The following COMMD1 variants were observed in gnomAD, a reference collection of about 807,000 sequenced individuals.
COMMD1 encodes the protein copper metabolism domain containing 1.
In COMMD1, 10 loss-of-function variants were observed where a neutral mutation model predicts 17.2. The ratio of observed to expected loss-of-function variants is 0.58; its 90% CI spans 0.36 to 0.99. The LOEUF (loss-of-function observed/expected upper bound fraction) is 0.99. Among genes scored for constraint, COMMD1 ranks in the 50% least tolerant of loss-of-function variants. The pLI is 0.01. For synonymous variants in COMMD1, 97 were observed against 91.6 expected (o/e 1.06, Z -0.34); for missense variants, 270 against 231.8 (o/e 1.17, Z -1.07).
chr2:62,028,551 C>T (rs546407832), intron 2 of COMMD1, among the ~76,000 whole-genome samples: 130 of 151,566 alleles, frequency 8.6e-4, no homozygotes, highest in Non-Finnish European at 1.4e-3. Context: ...CCAGCCTAGG[C>T]GACAGAGTGA....
intron 1 of COMMD1, among the ~76,000 whole-genome samples, chr2:61,915,004 T>C (rs1370563499): frequency 4.3e-5 from 3 of 69,516 alleles, no homozygotes; most frequent in African/African-American, 2.1e-4. Flanking sequence ...TTCTTTTCTT[T>C]CCTTTTTTTT....
intron 2 of COMMD1, among the ~76,000 whole-genome samples, chr2:62,116,603 C>T (rs1035653120): frequency 1.2e-4 from 16 of 131,932 alleles, no homozygotes; most frequent in African/African-American, 3.7e-4. Flanking sequence ...ACCCAGGAGG[C>T]GGAGGTTGCA....
chr2:62,041,299 AACT>A (rs375858943), intron 2 of COMMD1, among the ~76,000 whole-genome samples: 5 of 152,320 alleles, frequency 3.3e-5, no homozygotes, highest in African/African-American at 9.6e-5. Context: ...TAATAATGAA[AACT>A]ACTTGTGGTT....
intron 1 of COMMD1, chr2:61,928,498 G>A (rs1670383504): frequency 1.3e-5 from 2 of 152,132 alleles, no homozygotes; most frequent in Admixed American, 6.6e-5. Flanking sequence ...GTATCCTAAA[G>A]AGCTAAGCGT....
At chr2:61,924,354 T>C (rs1297757718) in intron 1 of COMMD1, among the ~76,000 whole-genome samples, 1 of 108,802 alleles carries the variant, frequency 9.2e-6, no homozygotes, top group African/African-American at 3.6e-5. Context: ...TAAGGGGTGG[T>C]GGTAGGGAGG....
At chr2:61,970,356 C>T (rs1222672263) in intron 1 of COMMD1, among the ~76,000 whole-genome samples, 2 of 151,850 alleles carry the variant, frequency 1.3e-5, no homozygotes. Flanking sequence ...TACAGTTGTC[C>T]CTTGGTGTCC....
intron 1 of COMMD1, among the ~76,000 whole-genome samples, chr2:61,927,318 T>C (rs1670352209): frequency 6.6e-6 from 1 of 152,200 alleles, no homozygotes; most frequent in African/African-American, 2.4e-5. Context: ...TCTGTCCTCA[T>C]TCTTTGGAAG....
intron 2 of COMMD1, among the ~76,000 whole-genome samples, chr2:62,011,736 G>C (rs1253185444): frequency 1.3e-5 from 2 of 152,140 alleles, no homozygotes; most frequent in Non-Finnish European, 2.9e-5. Context: ...AATTTTATCA[G>C]AGATGGAAGA....
intron 1 of COMMD1, among the ~76,000 whole-genome samples, chr2:61,895,390 G>A (rs1169739004): frequency 2.0e-5 from 3 of 152,192 alleles, no homozygotes; most frequent in African/African-American, 7.2e-5. Context: ...CGTTGATCGA[G>A]GTTGCAGCTC....
At chr2:61,907,476 T>C (rs1450521163) in intron 1 of COMMD1, among the ~76,000 whole-genome samples, 1 of 152,160 alleles carries the variant, frequency 6.6e-6, no homozygotes, top group African/African-American at 2.4e-5. Context: ...ATTTGACATC[T>C]GGGTTTTTGA....
rs1231303688 is a variant in COMMD1, at chr2:62,105,977, T to C, written c.463-29854T>C. Among the ~76,000 whole-genome samples, 4 of 152,204 alleles carry C rather than the reference T, an allele frequency of 2.6e-5. No homozygotes were observed. In the East Asian group the frequency reaches 7.7e-4, roughly 29 times the overall value. On this transcript the variant is annotated intron_variant, in intron 2 of 2. Coordinates refer to ENST00000311832, the MANE Select transcript of COMMD1 (RefSeq NM_152516.4). ...TCAGGGATTATATTTAAAAGACCTG[T>C]GAAATCCTTTAGAGAATGAACTTTT...
intron 1 of COMMD1, among the ~76,000 whole-genome samples, chr2:61,951,639 G>T: frequency 6.6e-6 from 1 of 152,180 alleles, no homozygotes; most frequent in South Asian, 2.1e-4. Context: ...GTATAATGGG[G>T]ATATAGTAAA....
chr2:61,964,801 A>G (rs1162430005), intron 1 of COMMD1, among the ~76,000 whole-genome samples: 5 of 152,262 alleles, frequency 3.3e-5, no homozygotes, highest in African/African-American at 1.2e-4. Flanking sequence ...TGAACCTGGG[A>G]GGTGAAGGTT....
intron 1 of COMMD1, among the ~76,000 whole-genome samples, chr2:61,891,621 G>T (rs558515340): frequency 1.3e-5 from 2 of 151,534 alleles, no homozygotes; most frequent in Non-Finnish European, 2.9e-5. Context: ...CCAGCTGTTC[G>T]GGAGGCTGAG....
chr2:62,008,935 C>T (rs1338115430), intron 2 of COMMD1, among the ~76,000 whole-genome samples: 1 of 152,016 alleles, frequency 6.6e-6, no homozygotes, highest in Non-Finnish European at 1.5e-5. Context: ...AGGCATGCAC[C>T]ACCACTCCTG....
intron 1 of COMMD1, among the ~76,000 whole-genome samples, chr2:61,939,024 C>G (rs1670670068): frequency 6.6e-6 from 1 of 152,102 alleles, no homozygotes; most frequent in Non-Finnish European, 1.5e-5. Context: ...AAGTGTTACA[C>G]TTTTCCTTTG....
At chr2:61,906,851 T>C (rs182853897) in intron 1 of COMMD1, among the ~76,000 whole-genome samples, 4 of 152,260 alleles carry the variant, frequency 2.6e-5, no homozygotes, top group African/African-American at 9.6e-5. Context: ...AGTGTTGAAA[T>C]TTAATCCACT....
At chr2:62,052,266 CA>C (rs1302378065) in intron 2 of COMMD1, among the ~76,000 whole-genome samples, 2 of 152,140 alleles carry the variant, frequency 1.3e-5, no homozygotes, top group African/African-American at 4.8e-5. Context: ...GCCTTGGCAA[CA>C]TGGTGAAACC....
intron 1 of COMMD1, among the ~76,000 whole-genome samples, chr2:61,962,585 G>C (rs1671379112): frequency 6.6e-6 from 1 of 152,190 alleles, no homozygotes; most frequent in Non-Finnish European, 1.5e-5. Flanking sequence ...CATGTGACCA[G>C]TTATTCAATC....
Sources: gnomAD v4.1 joint callset for allele counts (sites outside exome capture counted in the v4.1 genomes callset) on GRCh38, gnomAD v4.1.1 for gene constraint, MANE v1.5 for transcripts, NCBI Gene and HGNC (gene_info 2026-07-23, HGNC 2026-07-21) for gene names.